HEG1: variants seen among roughly 807,000 people sequenced by gnomAD.
HEG1 encodes protein HEG homolog 1.
A neutral mutation model predicts 125.6 loss-of-function variants in HEG1; 56 were observed. The observed-to-expected ratio is 0.45, with a 90% CI of 0.36 to 0.56. HEG1 has a LOEUF of 0.56. Among genes scored for constraint, HEG1 ranks in the 20% least tolerant of loss-of-function variants. The pLI, the probability that HEG1 is intolerant of heterozygous loss-of-function variation, is 0.00. For missense variants in HEG1, 1,523 were observed against 1,670.0 expected, an observed-to-expected ratio of 0.91 and a Z score of 1.53; for synonymous variants, 644 against 668.5, an observed-to-expected ratio of 0.96 and a Z score of 0.57.
chr3:125,043,644 G>A (rs1282294396), intron 1 of HEG1, among the ~76,000 whole-genome samples: 1 of 152,104 alleles, frequency 6.6e-6, no homozygotes, highest in African/African-American at 2.4e-5. Flanking sequence ...TGGTAAAGGG[G>A]GAGTTTCTAG....
intron 16 of HEG1, among the ~76,000 whole-genome samples, chr3:124,973,162 C>T (rs1318080712): frequency 6.6e-6 from 1 of 152,088 alleles, no homozygotes; most frequent in East Asian, 1.9e-4. Flanking sequence ...GCTAGAACCA[C>T]AGGCGAGCAC....
At chr3:124,975,479 C>G (rs1328909300) in intron 15 of HEG1, among the ~76,000 whole-genome samples, 1 of 152,220 alleles carries the variant, frequency 6.6e-6, no homozygotes. Flanking sequence ...AACTTCTCTA[C>G]TGCAAAAATA....
chr3:125,012,743 T>C lies in HEG1; in HGVS notation c.2836A>G (p.Thr946Ala), dbSNP rs779646560. Reference sequence around the variant, plus strand: ...ACTGTGGTTTGGGGAGAAGGAGATGTTCCGAGGGAACGTGAAGCTGGGCTG... The same window carrying C: ...ACTGTGGTTTGGGGAGAAGGAGATGCTCCGAGGGAACGTGAAGCTGGGCTG... ...EYSPASRSLG[T>A]SPSPQTTVVS... Residue 946 changes from threonine to alanine, a missense_variant, in exon 6 of 17, where the codon ACA (threonine) becomes GCA (alanine). Thr to Ala is a moderately conservative substitution (Grantham distance 58, BLOSUM62 0). Transcript: ENST00000311127. 1.2e-6 allele frequency: 2 copies of C among 1,614,010 alleles called. No homozygotes were observed. The highest frequency in any genetic ancestry group is 1.7e-6 in the Non-Finnish European group (2 of 1,179,892).
Position 125,013,316 on chromosome 3 carries a change from C to T in HEG1, c.2263G>A (p.Val755Met), listed in dbSNP as rs748793570. ...PVLPRARETP[V>M]TSFQTSTMTS... ...ATTGTTGATGTCTGAAATGAAGTCA[C>T]AGGAGTCTCCCTTGCCCTGGGCAGG... The change falls in exon 6 of 17, where the codon GTG becomes ATG. Residue 755 changes from valine to methionine, a missense_variant. Coordinates refer to ENST00000311127, the MANE Select transcript of HEG1 (RefSeq NM_020733.2). 1.2e-6 allele frequency: 2 copies of T among 1,613,824 alleles called. No homozygotes were observed. Among genetic ancestry groups the T allele is most frequent in the Non-Finnish European group, 1.7e-6 (2 of 1,179,892 alleles).
intron 14 of HEG1, among the ~76,000 whole-genome samples, chr3:124,980,990 G>C (rs1403335504): frequency 6.6e-6 from 1 of 151,686 alleles, no homozygotes; most frequent in African/African-American, 2.4e-5. Flanking sequence ...AAGCAGCTGG[G>C]ACCACGGGCG....
chr3:124,998,080 G>A (rs961257562), intron 11 of HEG1, among the ~76,000 whole-genome samples: 2 of 152,102 alleles, frequency 1.3e-5, no homozygotes, highest in Non-Finnish European at 2.9e-5. Flanking sequence ...AGCGTGCCAC[G>A]GACCCACTGA....
intron 14 of HEG1, among the ~76,000 whole-genome samples, chr3:124,986,770 C>T (rs1428770130): frequency 2.6e-5 from 4 of 152,156 alleles, no homozygotes; most frequent in African/African-American, 4.8e-5. Context: ...TCTGAGGAAT[C>T]AGAGAGAAAT....
At chr3:125,032,232 A>C (rs972196810) in intron 1 of HEG1, among the ~76,000 whole-genome samples, 2 of 152,166 alleles carry the variant, frequency 1.3e-5, no homozygotes, top group African/African-American at 2.4e-5. Context: ...CTCCACTCTG[A>C]TTCACTCCTT....
intron 14 of HEG1, among the ~76,000 whole-genome samples, chr3:124,984,911 G>C (rs781773259): frequency 6.6e-6 from 1 of 152,198 alleles, no homozygotes; most frequent in Non-Finnish European, 1.5e-5. Flanking sequence ...TAGGTCCATA[G>C]AGCAGAATTT....
rs770545333 is a variant in HEG1 at position 124,997,711 on chromosome 3, G to A, written c.3630C>T (p.Asn1210=). The change falls in exon 12 of 17, where the codon AAC becomes AAT. Residue 1210 remains asparagine, a synonymous_variant. Transcript: ENST00000311127. ...CQCKSGYFQF[N]KMDHSCRACE... The stretch of plus-strand genomic sequence containing the variant: ...TACCTCGGCAGGAGTGGTCCATCTT[G>A]TTGAACTGAAAGTATCCCGACTTGC... 4 of 1,590,504 alleles carry A rather than the reference G, an allele frequency of 2.5e-6. No individual in the cohort carries two copies. In the East Asian group the frequency reaches 6.8e-5, roughly 27 times the overall value.
Position 124,966,294 on chromosome 3 carries a change from C to A in HEG1, c.*4358G>T, listed in dbSNP as rs1298856165. On this transcript the variant is annotated 3_prime_UTR_variant, in exon 17 of 17. Transcript: ENST00000311127. ...GTCGCTTTTTAGACCTGAATGGTCCCCCTTTGGTTTCATAGGGTTTTCTGT... is the reference window on the plus strand; with the variant it reads ...GTCGCTTTTTAGACCTGAATGGTCCACCTTTGGTTTCATAGGGTTTTCTGT... 6.6e-6 allele frequency: 1 copy of A among 152,176 alleles called. No individual in the cohort carries two copies. 9.4% of individuals were successfully genotyped at this position (152,176 alleles called of 1,614,324 possible).
intron 5 of HEG1, chr3:125,015,037 G>A: frequency 8.3e-7 from 1 of 1,211,648 alleles, no homozygotes; most frequent in Non-Finnish European, 1.1e-6. Flanking sequence ...AAAGAGGATG[G>A]CTGAAAAATG....
At chr3:125,015,128 G>T in intron 5 of HEG1, 1 of 591,060 alleles carries the variant, frequency 1.7e-6, no homozygotes, top group Non-Finnish European at 2.4e-6. Context: ...TACTTTTAGG[G>T]TCTTTATCTG....
intron 11 of HEG1, among the ~76,000 whole-genome samples, chr3:124,999,067 A>G (rs898702379): frequency 6.6e-6 from 1 of 152,154 alleles, no homozygotes; most frequent in Non-Finnish European, 1.5e-5. Context: ...GGTTTTGGTG[A>G]CATGAGCTGC....
At chr3:125,014,878 G>A (rs977553132) in intron 5 of HEG1, 12 of 1,289,754 alleles carry the variant, frequency 9.3e-6, no homozygotes, top group Middle Eastern at 2.1e-4. Flanking sequence ...GTGACAGACC[G>A]CAGTGTGCGT....
In HEG1 at chr3:125,013,724, C is replaced by T. The variant is rs760828853; in HGVS notation, c.1855G>A (p.Ala619Thr). ...ACTGGCGACTCAGTAGAAGGCTGAG[C>T]ATATTCCCCGTCATAGGATGAGATG... ...SNISSYDGEYAQPSTESPVLH... is the reference protein window; with the variant it reads ...SNISSYDGEYTQPSTESPVLH... Residue 619 changes from alanine to threonine, a missense_variant, in exon 6 of 17, where the codon GCT (alanine) becomes ACT (threonine). Transcript: ENST00000311127. The T allele has an allele frequency of 6.2e-7, 1 of 1,613,872 alleles. No individual in the cohort carries two copies. Among genetic ancestry groups the T allele is most frequent in the South Asian group, 1.1e-5 (1 of 91,088 alleles).
chr3:125,020,323 G>A (rs1208658981), intron 4 of HEG1, among the ~76,000 whole-genome samples: 1 of 152,222 alleles, frequency 6.6e-6, no homozygotes, highest in Non-Finnish European at 1.5e-5. Flanking sequence ...CTACTCTGGA[G>A]GCTAAGGTGA....
At chr3:124,995,743 G>C (rs1458361298) in intron 12 of HEG1, among the ~76,000 whole-genome samples, 2 of 152,228 alleles carry the variant, frequency 1.3e-5, no homozygotes, top group African/African-American at 4.8e-5. Flanking sequence ...GCCCAAAAGT[G>C]AATCAAGGTT....
chr3:125,029,876 G>C (rs931183602), intron 1 of HEG1, among the ~76,000 whole-genome samples: 1 of 152,200 alleles, frequency 6.6e-6, no homozygotes, highest in Non-Finnish European at 1.5e-5. Flanking sequence ...TGGGCAACAA[G>C]AGTGAAACTC....
Sources: gnomAD v4.1 joint callset for allele counts (sites outside exome capture counted in the v4.1 genomes callset) on GRCh38, gnomAD v4.1.1 for gene constraint, MANE v1.5 for transcripts, NCBI Gene and HGNC (gene_info 2026-07-23, HGNC 2026-07-21) for gene names.